BACH2: variants seen among roughly 807,000 people sequenced by gnomAD.
BACH2 encodes the protein BACH transcriptional regulator 2, also known as transcription regulator protein BACH2.
BACH2 carries 5 observed loss-of-function variants against 61.8 expected under a neutral mutation model. The observed-to-expected ratio is 0.08, with a 90% CI of 0.04 to 0.17. The LOEUF (loss-of-function observed/expected upper bound fraction) is 0.17, where lower values mean the gene tolerates loss of function less well. BACH2 is among the 10% of genes least tolerant of loss of function. The pLI is 1.00. For missense variants in BACH2, 824 were observed against 1,091.1 expected, an observed-to-expected ratio of 0.76 and a Z score of 3.45; for synonymous variants, 446 against 440.1, an observed-to-expected ratio of 1.01 and a Z score of -0.17.
rs1772498768 is a variant in BACH2 at position 89,929,047 on chromosome 6, G to T, written c.*3361C>A. On this transcript the variant is annotated 3_prime_UTR_variant, in exon 9 of 9. Coordinates refer to ENST00000257749, the MANE Select transcript of BACH2 (RefSeq NM_021813.4). ...GCCTGGATACACAAGCAGGACAAAG[G>T]CAGATCCAAGGGGAGGACTGGATTT... 1 of 152,294 alleles carries T rather than the reference G, an allele frequency of 6.6e-6. No homozygotes were observed. The highest frequency in any genetic ancestry group is 2.4e-5 in the African/African-American group (1 of 41,288). The allele number at this position is 152,294 out of a possible 1,614,324, so 9.4% of individuals were successfully genotyped here. A position where few individuals can be genotyped will look rare whatever the true frequency, so the allele number is the denominator to read the frequency against.
intron 2 of BACH2, among the ~76,000 whole-genome samples, chr6:90,254,884 G>A (rs1449857539): frequency 6.6e-6 from 1 of 152,140 alleles, no homozygotes; most frequent in Non-Finnish European, 1.5e-5. Flanking sequence ...ACTCCCCTGA[G>A]CATTGATATA....
At chr6:90,276,801 A>G (rs575812650) in intron 1 of BACH2, among the ~76,000 whole-genome samples, 1 of 152,226 alleles carries the variant, frequency 6.6e-6, no homozygotes, top group African/African-American at 2.4e-5. Flanking sequence ...TACCAATCAC[A>G]CCTTAGTTTT....
At chr6:90,290,788 G>C (rs1433357790) in intron 1 of BACH2, among the ~76,000 whole-genome samples, 1 of 152,168 alleles carries the variant, frequency 6.6e-6, no homozygotes, top group Non-Finnish European at 1.5e-5. Context: ...ACAGGGGAGG[G>C]AGAATAGAAG....
intron 4 of BACH2, among the ~76,000 whole-genome samples, chr6:90,102,458 C>A (rs1175439877): frequency 1.3e-5 from 2 of 152,116 alleles, no homozygotes; most frequent in Non-Finnish European, 2.9e-5. Context: ...CAATGAAAAA[C>A]CACATTCTAA....
intron 1 of BACH2, among the ~76,000 whole-genome samples, chr6:90,295,780 T>A (rs1582577807): frequency 6.6e-6 from 1 of 152,014 alleles, no homozygotes; most frequent in Admixed American, 6.5e-5. Context: ...GCGGGACGCT[T>A]TCCGACAACC....
intron 1 of BACH2, among the ~76,000 whole-genome samples, chr6:90,280,498 C>T (rs944846243): frequency 1.3e-5 from 2 of 152,120 alleles, no homozygotes; most frequent in Non-Finnish European, 2.9e-5. Context: ...ACCATATGAA[C>T]TGATAATTTT....
intron 4 of BACH2, among the ~76,000 whole-genome samples, chr6:90,179,475 T>C (rs1482147168): frequency 6.6e-6 from 1 of 152,200 alleles, no homozygotes; most frequent in East Asian, 1.9e-4. Flanking sequence ...GGTTTTCTTC[T>C]AACTGATCTA....
rs35707698 is a variant in BACH2 at position 90,013,510 on chromosome 6, C to CT, written c.-12-4655dup. Among the ~76,000 whole-genome samples the CT allele has an allele frequency of 2.1e-3, 241 of 117,416 alleles. 1 individual carries two copies. Among genetic ancestry groups the CT allele is most frequent in the Middle Eastern group, 8.0e-3 (2 of 250 alleles). 77.0% of individuals were successfully genotyped at this position (117,416 alleles called of 152,430 possible). On this transcript the variant is annotated intron_variant, in intron 5 of 8. Coordinates refer to ENST00000257749, the MANE Select transcript of BACH2 (RefSeq NM_021813.4). Reference sequence around the variant, plus strand: ...TTGTTTTCCCTTTCTTTTTCTTTTTCTTTTTTTTTTTTTTGAGATGGAGTC... The same window carrying CT: ...TTGTTTTCCCTTTCTTTTTCTTTTTCTTTTTTTTTTTTTTTGAGATGGAGTC...
At chr6:90,032,880 T>A (rs979501233) in intron 5 of BACH2, among the ~76,000 whole-genome samples, 1 of 152,182 alleles carries the variant, frequency 6.6e-6, no homozygotes. Context: ...GGATTATAAA[T>A]CATGCTGCTA....
chr6:90,151,646 G>A (rs1784815883), intron 4 of BACH2, among the ~76,000 whole-genome samples: 1 of 152,160 alleles, frequency 6.6e-6, no homozygotes, highest in Non-Finnish European at 1.5e-5. Context: ...AAGACAGTAA[G>A]ATCTGTAAGG....
intron 4 of BACH2, among the ~76,000 whole-genome samples, chr6:90,166,715 C>T (rs562277137): frequency 2.8e-3 from 428 of 152,262 alleles, no homozygotes; most frequent in Non-Finnish European, 4.9e-3. Flanking sequence ...CCATGGAATA[C>T]TATGCAGCCA....
At chr6:90,198,569 C>T (rs1395318999) in intron 4 of BACH2, among the ~76,000 whole-genome samples, 1 of 152,210 alleles carries the variant, frequency 6.6e-6, no homozygotes, top group Non-Finnish European at 1.5e-5. Flanking sequence ...TCTTCAGACT[C>T]TCCTTCATCT....
intron 4 of BACH2, among the ~76,000 whole-genome samples, chr6:90,178,602 C>T (rs185770052): frequency 3.0e-4 from 46 of 152,282 alleles, no homozygotes; most frequent in African/African-American, 1.0e-3. Flanking sequence ...GGAAGAGAAA[C>T]TAAATTTCTT....
At chr6:90,114,023 A>G (rs1048419914) in intron 4 of BACH2, among the ~76,000 whole-genome samples, 3 of 152,192 alleles carry the variant, frequency 2.0e-5, no homozygotes, top group African/African-American at 4.8e-5. Context: ...TGAATCAGCA[A>G]TAAATAGCTT....
chr6:89,981,556 T>C (rs1043719462), intron 6 of BACH2, among the ~76,000 whole-genome samples: 2 of 152,170 alleles, frequency 1.3e-5, no homozygotes. Flanking sequence ...TTGACAAGCA[T>C]CTATTTGTCT....
chr6:89,998,924 C>T (rs1776991082), intron 6 of BACH2, among the ~76,000 whole-genome samples: 1 of 152,166 alleles, frequency 6.6e-6, no homozygotes, highest in South Asian at 2.1e-4. Context: ...CATTGGGTGA[C>T]ATTCCAAATT....
In BACH2 at chr6:90,205,993, C is replaced by T. The variant is rs1287639801; in HGVS notation, c.-162+576G>A. On this transcript the variant is annotated intron_variant, in intron 4 of 8. Transcript: ENST00000257749. ...AATAAATCAAAATGGAAAAGATGCA[C>T]CTTACACTCTCTTGGAACTATGTCT... Among the ~76,000 whole-genome samples the T allele has an allele frequency of 3.9e-5, 6 of 152,258 alleles. No individual in the cohort carries two copies. The East Asian group carries it at 5.8e-4, about 15-fold the overall frequency.
intron 4 of BACH2, among the ~76,000 whole-genome samples, chr6:90,148,859 G>GA (rs1354310369): frequency 6.6e-6 from 1 of 152,136 alleles, no homozygotes; most frequent in East Asian, 1.9e-4. Flanking sequence ...AATAGGTTTT[G>GA]AAAAAGGAAC....
At chr6:90,294,054 A>G (rs1772261779) in intron 1 of BACH2, among the ~76,000 whole-genome samples, 1 of 152,204 alleles carries the variant, frequency 6.6e-6, no homozygotes. Context: ...TCTTCATAGC[A>G]GATCCTGACA....
Sources: allele counts gnomAD v4.1 joint callset (sites outside exome capture counted in the v4.1 genomes callset), GRCh38; gene constraint gnomAD v4.1.1; transcripts MANE v1.5; gene names NCBI Gene and HGNC (gene_info 2026-07-23, HGNC 2026-07-21).